RP1L1: variants seen among roughly 807,000 people sequenced by gnomAD.
RP1L1 encodes the protein retinitis pigmentosa 1-like 1 protein.
In RP1L1, 27 loss-of-function variants were observed where a neutral mutation model predicts 15.7. The ratio of observed to expected loss-of-function variants is 1.72; its 90% CI spans 1.27 to 2.38. The LOEUF (loss-of-function observed/expected upper bound fraction) is 2.38. Ranked by LOEUF, RP1L1 falls within the 30% of genes most tolerant of loss-of-function variation. The probability of loss-of-function intolerance (pLI) is 0.00; values close to 1 mark genes in which losing one functional copy is unlikely to be tolerated. For missense variants in RP1L1, 4,798 were observed against 3,075.9 expected, an observed-to-expected ratio of 1.56 and a Z score of -13.24; for synonymous variants, 1,813 against 1,276.7, an observed-to-expected ratio of 1.42 and a Z score of -8.96.
chr8:10,614,279 G>A (rs890147415), intron 3 of RP1L1, among the ~76,000 whole-genome samples: 6 of 152,240 alleles, frequency 3.9e-5, no homozygotes, highest in Non-Finnish European at 8.8e-5. Context: ...GGACCTGGGC[G>A]AACCATCTCA....
intron 1 of RP1L1, among the ~76,000 whole-genome samples, chr8:10,624,268 C>A (rs1024594245): frequency 2.6e-5 from 4 of 152,162 alleles, no homozygotes; most frequent in Non-Finnish European, 4.4e-5. Context: ...TGGGATGCAA[C>A]CATTAGTAGG....
At chr8:10,651,999 T>C (rs528105493) in intron 1 of RP1L1, among the ~76,000 whole-genome samples, 15 of 152,294 alleles carry the variant, frequency 9.8e-5, no homozygotes, top group Admixed American at 8.5e-4. Flanking sequence ...ATATTTCACA[T>C]TGTGCTGCAA....
At chr8:10,628,188 A>C (rs1465553625) in intron 1 of RP1L1, among the ~76,000 whole-genome samples, 1 of 152,214 alleles carries the variant, frequency 6.6e-6, no homozygotes, top group African/African-American at 2.4e-5. Flanking sequence ...TCTGAGCCAT[A>C]AACAAAGAGG....
At chr8:10,624,445 T>C (rs751111615) in intron 1 of RP1L1, among the ~76,000 whole-genome samples, 9 of 152,224 alleles carry the variant, frequency 5.9e-5, no homozygotes, top group African/African-American at 9.6e-5. Flanking sequence ...AGGAATGGCA[T>C]TGCAGGTCAA....
Position 10,608,167 on chromosome 8 carries a change from T to G in RP1L1, c.5931A>C (p.Val1977=). ...EEEAQPESED[V]EALEVEVETQ... The stretch of plus-strand genomic sequence containing the variant: ...TCTCCACTTCAACCTCCAGGGCCTC[T>G]ACATCTTCTGACTCTGGCTGGGCTT... The change falls in exon 4 of 4, where the codon GTA becomes GTC. Residue 1977 remains valine, a synonymous_variant. Coordinates refer to ENST00000382483, the MANE Select transcript of RP1L1 (RefSeq NM_178857.6). The G allele has an allele frequency of 6.2e-7, 1 of 1,609,914 alleles. No homozygotes were observed. Among genetic ancestry groups the G allele is most frequent in the South Asian group, 1.1e-5 (1 of 90,818 alleles).
At chr8:10,635,408 A>G (rs1183297396) in intron 1 of RP1L1, among the ~76,000 whole-genome samples, 1 of 152,204 alleles carries the variant, frequency 6.6e-6, no homozygotes, top group African/African-American at 2.4e-5. Context: ...CAGAGATCCA[A>G]CGCCTCATGC....
In RP1L1 at chr8:10,611,404, C is replaced by T. The variant is rs1312396965; in HGVS notation, c.2694G>A (p.Thr898=). The T allele has an allele frequency of 8.1e-6, 13 of 1,599,204 alleles. No individual in the cohort carries two copies. The highest frequency in any genetic ancestry group is 3.3e-5 in the South Asian group (3 of 89,744). Residue 898 remains threonine (T), a synonymous_variant, in exon 4 of 4, where the codon ACG becomes ACA. Transcript: ENST00000382483. ...PQEGTRQPGP[T]PSPGPNSGAS... ...CCCCTGAATTGGGGCCTGGGGACGGCGTGGGGCCTGGCTGGCGTGTCCCCT... is the reference window on the plus strand; with the variant it reads ...CCCCTGAATTGGGGCCTGGGGACGGTGTGGGGCCTGGCTGGCGTGTCCCCT...
intron 1 of RP1L1, among the ~76,000 whole-genome samples, chr8:10,644,550 C>A (rs1455475293): frequency 6.6e-6 from 1 of 152,346 alleles, no homozygotes; most frequent in African/African-American, 2.4e-5. Flanking sequence ...GACAGAGACC[C>A]AGGAACCAGT....
chr8:10,633,156 T>C (rs1054295862), intron 1 of RP1L1, among the ~76,000 whole-genome samples: 1 of 152,178 alleles, frequency 6.6e-6, no homozygotes, highest in Non-Finnish European at 1.5e-5. Flanking sequence ...GGAAGACTGC[T>C]GGCCAGTGGG....
Position 10,609,608 on chromosome 8 carries a change from T to G in RP1L1, c.4490A>C (p.Gln1497Pro). ...CGAAGAGCTCCTCTCTGCAGCCCCC[T>G]GGGTGGGTTGGGCCTGCGTGTGCTC... ...GQEHTQAQPTQGAAERSSSVA... is the reference protein window; with the variant it reads ...GQEHTQAQPTPGAAERSSSVA... Residue 1497 changes from glutamine (Q) to proline (P), a missense_variant, in exon 4 of 4, where the codon CAG becomes CCG. By Grantham distance (76) the Gln-to-Pro change is moderately conservative. Transcript: ENST00000382483. 1 of 1,607,074 alleles carries G rather than the reference T, an allele frequency of 6.2e-7. No individual in the cohort carries two copies. Among genetic ancestry groups the G allele is most frequent in the Non-Finnish European group, 8.5e-7 (1 of 1,179,772 alleles).
At chr8:10,652,410 A>G (rs1270192208) in intron 1 of RP1L1, among the ~76,000 whole-genome samples, 1 of 152,200 alleles carries the variant, frequency 6.6e-6, no homozygotes, top group African/African-American at 2.4e-5. Context: ...GTGGAGAGAA[A>G]GCAGATTATA....
At position 10,610,194 on chromosome 8, in the gene RP1L1, G is replaced by A. The variant is rs749898910; in HGVS notation, c.3904C>T (p.Gln1302Ter). Residue 1302 changes from glutamine to a stop codon, truncating the protein, a stop_gained, in exon 4 of 4, where the codon CAA becomes TAA. Transcript: ENST00000382483. LOFTEE classifies it low-confidence loss of function (END_TRUNC). ...LAENTVQEEVQLEETKEGTEG... is the reference protein window; with the variant it reads ...LAENTVQEEV ...GTTCCTTCTTTAGTTTCCTCTAATTGCACCTCTTCTTGCACTGTGTTTTCA... is the reference window on the plus strand; with the variant it reads ...GTTCCTTCTTTAGTTTCCTCTAATTACACCTCTTCTTGCACTGTGTTTTCA... 1 of 1,316,098 alleles carries A rather than the reference G, an allele frequency of 7.6e-7. No individual in the cohort carries two copies. The highest frequency in any genetic ancestry group is 1.0e-6 in the Non-Finnish European group (1 of 992,712). 81.5% of individuals were successfully genotyped at this position (1,316,098 alleles called of 1,614,324 possible).
At chr8:10,619,603 C>T (rs1338183143) in intron 2 of RP1L1, among the ~76,000 whole-genome samples, 4 of 152,086 alleles carry the variant, frequency 2.6e-5, no homozygotes, top group Non-Finnish European at 4.4e-5. Context: ...AAGCATCAAA[C>T]CCTCTGAGTG....
At chr8:10,633,933 G>T (rs1024069560) in intron 1 of RP1L1, among the ~76,000 whole-genome samples, 1 of 152,132 alleles carries the variant, frequency 6.6e-6, no homozygotes, top group Non-Finnish European at 1.5e-5. Flanking sequence ...GGGAACCCAG[G>T]CTTCAGGACT....
chr8:10,643,323 G>A (rs1275704131), intron 1 of RP1L1, among the ~76,000 whole-genome samples: 1 of 152,206 alleles, frequency 6.6e-6, no homozygotes, highest in Admixed American at 6.5e-5. Flanking sequence ...CTGGGTGACA[G>A]AGTGAGACCT....
intron 1 of RP1L1, among the ~76,000 whole-genome samples, chr8:10,653,475 CACAT>C (rs754413463): frequency 9.2e-5 from 14 of 151,540 alleles, no homozygotes; most frequent in South Asian, 4.2e-4. Flanking sequence ...CACACACACA[CACAT>C]ACACACACAC....
In RP1L1 at chr8:10,611,637, G is replaced by A. The variant is rs758811041; in HGVS notation, c.2461C>T (p.His821Tyr). 6.2e-7 allele frequency: 1 copy of A among 1,612,926 alleles called. No homozygotes were observed. The highest frequency in any genetic ancestry group is 8.5e-7 in the Non-Finnish European group (1 of 1,179,868). Reference protein sequence around the residue: ...GRPEQGAVGPHRSHCCSQPGT... With the variant: ...GRPEQGAVGPYRSHCCSQPGT... The stretch of plus-strand genomic sequence containing the variant: ...GGCTGTGAGCAGCAGTGGCTTCGGT[G>A]GGGGCCCACCGCCCCTTGCTCAGGC... Residue 821 changes from histidine (H) to tyrosine (Y), a missense_variant, in exon 4 of 4, where the codon CAC (histidine) becomes TAC (tyrosine). Coordinates refer to ENST00000382483, the MANE Select transcript of RP1L1 (RefSeq NM_178857.6).
At chr8:10,649,707 C>T (rs1269201224) in intron 1 of RP1L1, among the ~76,000 whole-genome samples, 3 of 152,170 alleles carry the variant, frequency 2.0e-5, no homozygotes, top group African/African-American at 7.2e-5. Flanking sequence ...GGTGAAACCC[C>T]ATCTCTACTA....
intron 1 of RP1L1, among the ~76,000 whole-genome samples, chr8:10,650,501 G>A (rs1198048701): frequency 5.9e-5 from 9 of 152,060 alleles, no homozygotes; most frequent in Admixed American, 1.3e-4. Flanking sequence ...TGTCACATTC[G>A]GGATGCAGAA....
Sources: gnomAD v4.1 joint callset for allele counts (sites outside exome capture counted in the v4.1 genomes callset) on GRCh38, gnomAD v4.1.1 for gene constraint, MANE v1.5 for transcripts, NCBI Gene and HGNC (gene_info 2026-07-23, HGNC 2026-07-21) for gene names.